The following SERPINI1 variants were observed in gnomAD, a reference collection of about 807,000 sequenced individuals.
SERPINI1 encodes neuroserpin.
Under a neutral mutation model 41.1 loss-of-function variants are expected in SERPINI1, and 19 were observed. That is an observed-to-expected ratio of 0.46 (90% CI 0.32 to 0.68). The LOEUF is 0.68. SERPINI1 is among the 30% of genes least tolerant of loss of function. The pLI, the probability that SERPINI1 is intolerant of heterozygous loss-of-function variation, is 0.03. For missense variants in SERPINI1, 460 were observed against 479.2 expected (o/e 0.96, Z 0.37); for synonymous variants, 138 against 156.6 (o/e 0.88, Z 0.89).
intron 1 of SERPINI1, among the ~76,000 whole-genome samples, chr3:167,760,853 A>G: frequency 6.6e-6 from 1 of 152,124 alleles, no homozygotes; most frequent in African/African-American, 2.4e-5. Context: ...AACAGTGTAA[A>G]GGCAAGTTCA....
intron 1 of SERPINI1, among the ~76,000 whole-genome samples, chr3:167,774,747 G>A (rs887034066): frequency 6.6e-6 from 1 of 151,540 alleles, no homozygotes; most frequent in Non-Finnish European, 1.5e-5. Context: ...ATGATCTGAG[G>A]TGGAGCAGTT....
intron 5 of SERPINI1, among the ~76,000 whole-genome samples, chr3:167,798,366 A>G (rs1044054639): frequency 2.6e-5 from 4 of 152,196 alleles, no homozygotes; most frequent in African/African-American, 9.7e-5. Context: ...TAGGGAGGCT[A>G]AATAGCAAAA....
chr3:167,735,904 TAA>T (rs1218504508), intron 1 of SERPINI1, 81 bp downstream of exon 1: 1 of 152,150 alleles, frequency 6.6e-6, no homozygotes, highest in African/African-American at 2.4e-5. Flanking sequence ...AAGACACAGC[TAA>T]AAGAGTCCGC....
Position 167,811,850 on chromosome 3 carries a change from GA to G in SERPINI1, c.979+4514del, listed in dbSNP as rs1306908847. Among the ~76,000 whole-genome samples, 9 of 152,028 alleles carry G rather than the reference GA, an allele frequency of 5.9e-5. 1 individual carries two copies. The highest frequency in any genetic ancestry group is 1.9e-4 in the East Asian group (1 of 5,192). On this transcript the variant is annotated intron_variant, in intron 6 of 8. Coordinates refer to ENST00000446050, the MANE Select transcript of SERPINI1 (RefSeq NM_001122752.2). Reference sequence around the variant, plus strand: ...TAATGAGACCTTGTTTCTTATTTAAGAAAAAGTCATTAATAATAGAATTAAT... The same window carrying G: ...TAATGAGACCTTGTTTCTTATTTAAGAAAAGTCATTAATAATAGAATTAAT...
chr3:167,793,620 G>T (rs1041047220), intron 4 of SERPINI1, among the ~76,000 whole-genome samples: 3 of 136,894 alleles, frequency 2.2e-5, no homozygotes, highest in African/African-American at 8.9e-5. Context: ...AGGCATAATG[G>T]TACATACCTA....
intron 5 of SERPINI1, among the ~76,000 whole-genome samples, chr3:167,797,648 A>G (rs899706211): frequency 6.6e-5 from 10 of 152,102 alleles, no homozygotes; most frequent in Non-Finnish European, 1.5e-4. Flanking sequence ...GATATTTAGC[A>G]TGCATAACTT....
intron 1 of SERPINI1, among the ~76,000 whole-genome samples, chr3:167,785,623 A>G (rs141638519): frequency 0.012 from 1,764 of 152,338 alleles, 42 homozygotes; most frequent in African/African-American, 0.04. Context: ...AGGTGATTGC[A>G]AAGTTTAAAT....
chr3:167,763,655 C>A (rs563426871), intron 1 of SERPINI1, among the ~76,000 whole-genome samples: 1 of 152,238 alleles, frequency 6.6e-6, no homozygotes, highest in Admixed American at 6.5e-5. Flanking sequence ...AGCTCGTTTT[C>A]CACACTTGAG....
chr3:167,793,834 A>ATGTGTGTGTGTGTG (rs1368712957), intron 4 of SERPINI1, among the ~76,000 whole-genome samples: 1 of 106,576 alleles, frequency 9.4e-6, no homozygotes, highest in African/African-American at 4.0e-5. Context: ...TTTTGGCCAT[A>ATGTGTGTGTGTGTG]TGTATGTGTG....
At chr3:167,812,926 A>G (rs971237117) in intron 6 of SERPINI1, among the ~76,000 whole-genome samples, 4 of 152,226 alleles carry the variant, frequency 2.6e-5, no homozygotes, top group African/African-American at 9.6e-5. Context: ...TTGTAATGGA[A>G]ATGGATGACT....
intron 2 of SERPINI1, among the ~76,000 whole-genome samples, chr3:167,790,002 G>T (rs540791855): frequency 7.4e-4 from 112 of 152,204 alleles, no homozygotes; most frequent in African/African-American, 2.6e-3. Context: ...AAATTAAAAG[G>T]TCTACTGAGT....
In SERPINI1 at chr3:167,748,079, AC is replaced by A. The variant is rs200693290; in HGVS notation, c.-19+12257del. ...CACTCAGAAAATATAATACTTAGGA[AC>A]AAAAAAGTGTGATCAAAACAAAAAG... On this transcript the variant is annotated intron_variant, in intron 1 of 8. Coordinates refer to ENST00000446050, the MANE Select transcript of SERPINI1 (RefSeq NM_001122752.2). Among the ~76,000 whole-genome samples the A allele has an allele frequency of 3.3e-5, 5 of 152,194 alleles. No individual in the cohort carries two copies. In the East Asian group the frequency reaches 9.6e-4, roughly 29 times the overall value.
At chr3:167,770,486 T>C (rs1726713363) in intron 1 of SERPINI1, among the ~76,000 whole-genome samples, 1 of 152,116 alleles carries the variant, frequency 6.6e-6, no homozygotes, top group Non-Finnish European at 1.5e-5. Flanking sequence ...TGCATTTTAG[T>C]ATCTTATCAC....
At chr3:167,744,838 T>C (rs1263087875) in intron 1 of SERPINI1, among the ~76,000 whole-genome samples, 3 of 117,926 alleles carry the variant, frequency 2.5e-5, no homozygotes, top group African/African-American at 3.6e-5. Context: ...ATATATATAT[T>C]ATATATAACT....
intron 1 of SERPINI1, among the ~76,000 whole-genome samples, chr3:167,744,612 T>C: frequency 7.2e-6 from 1 of 139,512 alleles, no homozygotes; most frequent in East Asian, 2.0e-4. Context: ...TTTTTATATA[T>C]ATAACTATAT....
At chr3:167,809,743 A>G (rs964303814) in intron 6 of SERPINI1, among the ~76,000 whole-genome samples, 7 of 152,160 alleles carry the variant, frequency 4.6e-5, no homozygotes, top group Non-Finnish European at 8.8e-5. Flanking sequence ...ACTGACATAT[A>G]GTTGACACAC....
intron 1 of SERPINI1, 144 bp from the exon 2 acceptor site, chr3:167,788,967 G>C: frequency 2.7e-6 from 2 of 751,566 alleles, no homozygotes; most frequent in South Asian, 3.6e-5. Context: ...CTTGTTCCTG[G>C]GAGAATCCTC....
Position 167,824,293 on chromosome 3 carries a change from A to T in SERPINI1, c.1067-180A>T, listed in dbSNP as rs932311342. Reference sequence around the variant, plus strand: ...TTTGTTTTGTTTCGTTTTGCTTTTTAAAAAGATCAAGTAGAAATGTTAACA... The same window carrying T: ...TTTGTTTTGTTTCGTTTTGCTTTTTTAAAAGATCAAGTAGAAATGTTAACA... On this transcript the variant is annotated intron_variant, in intron 7 of 8. Coordinates refer to ENST00000446050, the MANE Select transcript of SERPINI1 (RefSeq NM_001122752.2). Among the ~76,000 whole-genome samples the T allele has an allele frequency of 3.9e-5, 6 of 152,252 alleles. No individual in the cohort carries two copies. In the East Asian group the frequency reaches 1.2e-3, roughly 29 times the overall value.
intron 1 of SERPINI1, among the ~76,000 whole-genome samples, chr3:167,787,364 T>G (rs1188623493): frequency 6.6e-6 from 1 of 152,260 alleles, no homozygotes; most frequent in Non-Finnish European, 1.5e-5. Context: ...TATTGTGTAT[T>G]GTATGTAATT....
Sources: allele counts gnomAD v4.1 joint callset (sites outside exome capture counted in the v4.1 genomes callset), GRCh38; gene constraint gnomAD v4.1.1; transcripts MANE v1.5; gene names NCBI Gene and HGNC (gene_info 2026-07-23, HGNC 2026-07-21).